RAB28: variants seen among roughly 807,000 people sequenced by gnomAD.
The protein encoded by RAB28 is ras-related protein Rab-28.
A neutral mutation model predicts 31.7 loss-of-function variants in RAB28; 24 were observed. The observed-to-expected ratio is 0.76, with a 90% CI of 0.55 to 1.06. RAB28 has a LOEUF of 1.06. Ranked by LOEUF, RAB28 falls within the 50% of genes least tolerant of loss-of-function variation. RAB28 has a pLI of 0.00. For missense variants in RAB28, 254 were observed against 258.5 expected (o/e 0.98, Z 0.12); for synonymous variants, 100 against 90.4 (o/e 1.11, Z -0.60).
At chr4:13,416,233 A>G (rs945510957) in intron 4 of RAB28, among the ~76,000 whole-genome samples, 3 of 152,070 alleles carry the variant, frequency 2.0e-5, no homozygotes, top group African/African-American at 7.2e-5. Context: ...TTTGCAATAA[A>G]TCTTGCTGCT....
intron 3 of RAB28, among the ~76,000 whole-genome samples, chr4:13,471,318 G>A (rs1174538937): frequency 6.6e-6 from 1 of 152,016 alleles, no homozygotes; most frequent in Non-Finnish European, 1.5e-5. Context: ...GAAAGCACTG[G>A]TTTTGAAAAG....
chr4:13,436,109 A>G (rs2108936111), intron 4 of RAB28, among the ~76,000 whole-genome samples: 1 of 152,336 alleles, frequency 6.6e-6, no homozygotes, highest in East Asian at 1.9e-4. Flanking sequence ...CAAAAACCAT[A>G]TGATCATCTC....
chr4:13,469,868 T>G (rs1716038347), intron 3 of RAB28, among the ~76,000 whole-genome samples: 1 of 152,000 alleles, frequency 6.6e-6, no homozygotes, highest in Non-Finnish European at 1.5e-5. Context: ...TTTTAAATTT[T>G]TTTGTAGAGA....
intron 6 of RAB28, among the ~76,000 whole-genome samples, chr4:13,376,038 T>C (rs1728909184): frequency 2.0e-5 from 3 of 152,288 alleles, no homozygotes; most frequent in African/African-American, 4.8e-5. Flanking sequence ...TGGGAAATTA[T>C]AGTGGTACTT....
intron 4 of RAB28, among the ~76,000 whole-genome samples, chr4:13,401,680 G>A (rs1479389703): frequency 6.6e-6 from 1 of 151,996 alleles, no homozygotes; most frequent in African/African-American, 2.4e-5. Context: ...TAATTTGTAT[G>A]TTCTCTCTTT....
At chr4:13,464,747 T>C (rs1239775080) in intron 3 of RAB28, among the ~76,000 whole-genome samples, 1 of 152,082 alleles carries the variant, frequency 6.6e-6, no homozygotes, top group African/African-American at 2.4e-5. Flanking sequence ...CTGAATCTTA[T>C]TACTCAGTAT....
rs145340499 is a variant in RAB28 at position 13,406,437 on chromosome 4, T to C, written c.392-24843A>G. On this transcript the variant is annotated intron_variant, in intron 4 of 6. Coordinates refer to ENST00000330852, the MANE Select transcript of RAB28 (RefSeq NM_001017979.3). ...TTGGGATGGTTCCAAGTCTTTACTA[T>C]TGTGAATAGTGCCGCAATAAACATA... 4.8e-3 allele frequency among the ~76,000 whole-genome samples: 731 copies of C among 152,304 alleles called. 5 individuals are homozygous for C. Among genetic ancestry groups the C allele is most frequent in the African/African-American group, 0.016 (684 of 41,560 alleles).
Position 13,456,018 on chromosome 4 carries a change from T to G in RAB28, c.391+4681A>C, listed in dbSNP as rs567477026. 2.6e-5 allele frequency among the ~76,000 whole-genome samples: 4 copies of G among 152,236 alleles called. No individual in the cohort carries two copies. In the East Asian group the frequency reaches 7.7e-4, roughly 29 times the overall value. On this transcript the variant is annotated intron_variant, in intron 4 of 6. Coordinates refer to ENST00000330852, the MANE Select transcript of RAB28 (RefSeq NM_001017979.3). Reference sequence around the variant, plus strand: ...ACCAGACACAGCAAAACAAAGAAATTTTTTTTTAATTTGAAGATGGCAGAG... The same window carrying G: ...ACCAGACACAGCAAAACAAAGAAATGTTTTTTTAATTTGAAGATGGCAGAG...
intron 4 of RAB28, among the ~76,000 whole-genome samples, chr4:13,439,355 G>T (rs1326264200): frequency 6.6e-6 from 1 of 151,966 alleles, no homozygotes; most frequent in Non-Finnish European, 1.5e-5. Context: ...AGGTCATATT[G>T]GTTTTGTTTT....
intron 3 of RAB28, among the ~76,000 whole-genome samples, chr4:13,469,455 T>C (rs1270905215): frequency 6.6e-6 from 1 of 152,024 alleles, no homozygotes; most frequent in East Asian, 1.9e-4. Flanking sequence ...GATTTCAAGT[T>C]TAATAAATCC....
intron 4 of RAB28, among the ~76,000 whole-genome samples, chr4:13,410,435 C>A (rs73819841): frequency 0.06 from 9,169 of 152,036 alleles, 634 homozygotes; most frequent in African/African-American, 0.17. Context: ...ATACTCTACA[C>A]TCAGGGTGAA....
Position 13,368,168 on chromosome 4 carries a change from T to C in RAB28, c.*390A>G. 1 of 988,106 alleles carries C rather than the reference T, an allele frequency of 1.0e-6. No individual in the cohort carries two copies. The highest frequency in any genetic ancestry group is 1.2e-6 in the Non-Finnish European group (1 of 831,700). The allele number at this position is 988,106 out of a possible 1,614,324, so 61.2% of individuals were successfully genotyped here. Reference sequence around the variant, plus strand: ...TGAAGTATACTTTGACACATACAAGTTCCGATAAGAGAATGAAATTGCTGT... The same window carrying C: ...TGAAGTATACTTTGACACATACAAGCTCCGATAAGAGAATGAAATTGCTGT... On this transcript the variant is annotated 3_prime_UTR_variant, in exon 7 of 7. Transcript: ENST00000330852.
chr4:13,445,895 T>C (rs1714669207), intron 4 of RAB28, among the ~76,000 whole-genome samples: 1 of 151,922 alleles, frequency 6.6e-6, no homozygotes, highest in Admixed American at 6.5e-5. Context: ...GCTGGGAGAA[T>C]CTCCCTTGTC....
At position 13,427,735 on chromosome 4, in the gene RAB28, G is replaced by A. The variant is rs189205795; in HGVS notation, c.391+32964C>T. The stretch of plus-strand genomic sequence containing the variant: ...TCAGAAAAATTCCCAGAATGCAAAC[G>A]GACCCGGGAGAGAGGAAGAAACTCA... On this transcript the variant is annotated intron_variant, in intron 4 of 6. Coordinates refer to ENST00000330852, the MANE Select transcript of RAB28 (RefSeq NM_001017979.3). Among the ~76,000 whole-genome samples, 20 of 152,240 alleles carry A rather than the reference G, an allele frequency of 1.3e-4. No individual in the cohort carries two copies. In the East Asian group the frequency reaches 3.5e-3, roughly 26 times the overall value.
chr4:13,414,228 G>C (rs1243635434), intron 4 of RAB28, among the ~76,000 whole-genome samples: 3 of 152,136 alleles, frequency 2.0e-5, no homozygotes, highest in African/African-American at 7.2e-5. Context: ...TCATAAAAAT[G>C]TTCTGCAGTA....
intron 4 of RAB28, among the ~76,000 whole-genome samples, chr4:13,435,651 C>T (rs1416514983): frequency 6.6e-6 from 1 of 152,176 alleles, no homozygotes; most frequent in Admixed American, 6.5e-5. Flanking sequence ...CCTGGAAACA[C>T]ACAACCTTCA....
At chr4:13,405,858 T>C (rs1440409127) in intron 4 of RAB28, among the ~76,000 whole-genome samples, 1 of 152,196 alleles carries the variant, frequency 6.6e-6, no homozygotes, top group Non-Finnish European at 1.5e-5. Flanking sequence ...TTCATTTAAG[T>C]TTGCCTTCTG....
chr4:13,394,312 T>C (rs1188884624), intron 4 of RAB28, among the ~76,000 whole-genome samples: 4 of 152,166 alleles, frequency 2.6e-5, no homozygotes, highest in Non-Finnish European at 5.9e-5. Flanking sequence ...AACTGCTTCA[T>C]CTCAGATCAT....
At chr4:13,374,153 C>T (rs764238258) in intron 6 of RAB28, among the ~76,000 whole-genome samples, 13 of 152,034 alleles carry the variant, frequency 8.6e-5, no homozygotes, top group Non-Finnish European at 1.6e-4. Flanking sequence ...AGAATTTTGA[C>T]AAACATATAG....
Sources: allele counts gnomAD v4.1 joint callset (sites outside exome capture counted in the v4.1 genomes callset), GRCh38; gene constraint gnomAD v4.1.1; transcripts MANE v1.5; gene names NCBI Gene and HGNC (gene_info 2026-07-23, HGNC 2026-07-21).